Variants in CADM2 observed in about 807,000 individuals in gnomAD.
CADM2 encodes cell adhesion molecule 2.
Under a neutral mutation model 49.8 loss-of-function variants are expected in CADM2, and 12 were observed. That is an observed-to-expected ratio of 0.24 (90% CI 0.15 to 0.39). The LOEUF (loss-of-function observed/expected upper bound fraction) is 0.39, where lower values mean the gene tolerates loss of function less well. Ranked by LOEUF, CADM2 falls within the 10% of genes least tolerant of loss-of-function variation. The pLI, the probability that CADM2 is intolerant of heterozygous loss-of-function variation, is 1.00. For synonymous variants in CADM2, 214 were observed against 175.4 expected (o/e 1.22, Z -1.74); for missense variants, 378 against 492.3 (o/e 0.77, Z 2.20).
intron 1 of CADM2, among the ~76,000 whole-genome samples, chr3:85,034,621 G>T (rs2107339774): frequency 6.6e-6 from 1 of 152,100 alleles, no homozygotes; most frequent in East Asian, 1.9e-4. Flanking sequence ...CAGTGGGACT[G>T]CTGGATAGTA....
At chr3:85,847,285 T>G (rs910874756) in intron 3 of CADM2, among the ~76,000 whole-genome samples, 1 of 152,192 alleles carries the variant, frequency 6.6e-6, no homozygotes, top group Non-Finnish European at 1.5e-5. Flanking sequence ...CAATGAGTCA[T>G]CAATGATATG....
intron 1 of CADM2, among the ~76,000 whole-genome samples, chr3:85,036,885 C>T (rs1264108954): frequency 6.6e-6 from 1 of 151,552 alleles, no homozygotes; most frequent in East Asian, 1.9e-4. Context: ...GACGCTGTGG[C>T]TCATGCCTGT....
At chr3:85,581,250 A>G (rs976650489) in intron 1 of CADM2, among the ~76,000 whole-genome samples, 2 of 152,124 alleles carry the variant, frequency 1.3e-5, no homozygotes, top group Non-Finnish European at 2.9e-5. Flanking sequence ...CAAACAACAG[A>G]AATATTATAT....
chr3:85,262,858 T>C (rs1427027431), intron 1 of CADM2, among the ~76,000 whole-genome samples: 4 of 150,326 alleles, frequency 2.7e-5, no homozygotes, highest in South Asian at 2.1e-4. Context: ...TCAAAATGCA[T>C]TGATTTAAAA....
At chr3:85,202,539 G>A (rs74666324) in intron 1 of CADM2, among the ~76,000 whole-genome samples, 10,005 of 152,078 alleles carry the variant, frequency 0.066, 1,082 homozygotes, top group African/African-American at 0.23. Context: ...AGTAAATCAC[G>A]CTGTAAACAG....
chr3:85,281,184 T>A (rs534355551), intron 1 of CADM2, among the ~76,000 whole-genome samples: 12 of 151,902 alleles, frequency 7.9e-5, no homozygotes, highest in African/African-American at 2.6e-4. Flanking sequence ...GAACAGAACA[T>A]TGAATAGTAA....
chr3:85,793,852 A>G (rs1436771742), intron 2 of CADM2, among the ~76,000 whole-genome samples: 3 of 152,246 alleles, frequency 2.0e-5, no homozygotes, highest in Admixed American at 6.5e-5. Context: ...AAAAGTCTCT[A>G]TTAAAATGGA....
intron 1 of CADM2, among the ~76,000 whole-genome samples, chr3:85,100,502 G>A (rs566437080): frequency 1.4e-4 from 22 of 152,238 alleles, no homozygotes; most frequent in African/African-American, 4.8e-4. Context: ...TTATGAGTGT[G>A]GTAGATTAGA....
intron 1 of CADM2, among the ~76,000 whole-genome samples, chr3:85,503,377 G>C (rs1434451843): frequency 1.3e-5 from 2 of 152,076 alleles, no homozygotes; most frequent in African/African-American, 4.8e-5. Context: ...TTGTAAATAA[G>C]TCTCCTGGGT....
Position 86,029,923 on chromosome 3 carries a change from T to A in CADM2, c.971-35682T>A, listed in dbSNP as rs780982317. Among the ~76,000 whole-genome samples, 6 of 152,028 alleles carry A rather than the reference T, an allele frequency of 3.9e-5. No individual in the cohort carries two copies. The East Asian group carries it at 1.2e-3, about 29-fold the overall frequency. Reference sequence around the variant, plus strand: ...GATGAGTACTAAAAGAGAAGCAGTTTGGTGTGGAGCCCTTGAGGAACAGGT... The same window carrying A: ...GATGAGTACTAAAAGAGAAGCAGTTAGGTGTGGAGCCCTTGAGGAACAGGT... On this transcript the variant is annotated intron_variant, in intron 8 of 9. Coordinates refer to ENST00000383699, the MANE Select transcript of CADM2 (RefSeq NM_001167675.2).
chr3:85,842,320 A>G (rs1308910574), intron 3 of CADM2, among the ~76,000 whole-genome samples: 1 of 152,140 alleles, frequency 6.6e-6, no homozygotes, highest in African/African-American at 2.4e-5. Context: ...GATGAGGAAC[A>G]ACAGCTGAGG....
At chr3:85,609,321 T>C (rs774535234) in intron 1 of CADM2, among the ~76,000 whole-genome samples, 5 of 152,160 alleles carry the variant, frequency 3.3e-5, no homozygotes, top group Non-Finnish European at 2.9e-5. Flanking sequence ...AACTACAAAA[T>C]AATACTATAG....
intron 8 of CADM2, among the ~76,000 whole-genome samples, chr3:86,025,358 A>G (rs754314218): frequency 3.3e-5 from 5 of 152,138 alleles, no homozygotes; most frequent in Non-Finnish European, 7.4e-5. Flanking sequence ...TGCGCAGCCC[A>G]TTATTTGGCA....
chr3:85,220,555 C>A (rs1226904840), intron 1 of CADM2, among the ~76,000 whole-genome samples: 3 of 152,064 alleles, frequency 2.0e-5, no homozygotes, highest in Admixed American at 2.0e-4. Context: ...TGTTTGTAAT[C>A]TGGTGATAAC....
At chr3:85,608,019 C>T (rs569989921) in intron 1 of CADM2, among the ~76,000 whole-genome samples, 11 of 151,924 alleles carry the variant, frequency 7.2e-5, no homozygotes, top group African/African-American at 9.7e-5. Flanking sequence ...TTCATTACCT[C>T]GTAATTAGAT....
At position 85,514,056 on chromosome 3, in the gene CADM2, C is replaced by T. The variant is rs144876224; in HGVS notation, c.62-212466C>T. 3.3e-3 allele frequency among the ~76,000 whole-genome samples: 508 copies of T among 152,180 alleles called. 4 individuals carry two copies. Among genetic ancestry groups the T allele is most frequent in the African/African-American group, 0.012 (485 of 41,568 alleles). ...GGCAATGGACAAACTCTTTGAATCA[C>T]TTACTTCTTACAATGACATAATTCT... On this transcript the variant is annotated intron_variant, in intron 1 of 9. Transcript: ENST00000383699.
intron 2 of CADM2, among the ~76,000 whole-genome samples, chr3:85,732,192 C>T (rs887537296): frequency 4.0e-5 from 6 of 150,676 alleles, no homozygotes; most frequent in Admixed American, 6.6e-5. Flanking sequence ...ACCTGGGAGG[C>T]GGAGTTTGCA....
intron 1 of CADM2, among the ~76,000 whole-genome samples, chr3:85,418,629 A>G (rs974775334): frequency 6.6e-6 from 1 of 152,126 alleles, no homozygotes; most frequent in African/African-American, 2.4e-5. Context: ...ATCACATTTT[A>G]TTTAAAAGAA....
At chr3:85,709,191 C>T (rs1484535124) in intron 1 of CADM2, among the ~76,000 whole-genome samples, 5 of 151,994 alleles carry the variant, frequency 3.3e-5, no homozygotes, top group Non-Finnish European at 7.4e-5. Flanking sequence ...AAAACGTCAC[C>T]AATGCTTCCA....
Sources: gnomAD v4.1 joint callset for allele counts (sites outside exome capture counted in the v4.1 genomes callset) on GRCh38, gnomAD v4.1.1 for gene constraint, MANE v1.5 for transcripts, NCBI Gene and HGNC (gene_info 2026-07-23, HGNC 2026-07-21) for gene names.